ASTN1: variants seen among roughly 807,000 people sequenced by gnomAD.
ASTN1 encodes the protein astrotactin-1.
Under a neutral mutation model 140.7 loss-of-function variants are expected in ASTN1, and 41 were observed. That is an observed-to-expected ratio of 0.29 (90% CI 0.23 to 0.38). ASTN1 has a LOEUF of 0.38. Among genes scored for constraint, ASTN1 ranks in the 10% least tolerant of loss-of-function variants. ASTN1 has a pLI of 1.00. For missense variants in ASTN1, 1,479 were observed against 1,678.8 expected (o/e 0.88, Z 2.08); for synonymous variants, 640 against 652.2 (o/e 0.98, Z 0.29).
rs775048192 is a variant in ASTN1, at chr1:177,023,420, T to C, written c.1422A>G (p.Gln474=). The C allele has an allele frequency of 5.0e-6, 8 of 1,599,002 alleles. No homozygotes were observed. The East Asian group carries it at 1.4e-4, about 27-fold the overall frequency. The change falls in exon 7 of 23, where the codon CAA becomes CAG. Residue 474 remains glutamine (Q), a synonymous_variant. Coordinates refer to ENST00000361833, the MANE Select transcript of ASTN1 (RefSeq NM_004319.3). The stretch of plus-strand genomic sequence containing the variant: ...CCCGCCTACCAGTTTCGGGGTCACA[T>C]TGGTGTTCACAGGGGTCCAGGAGCC... The part of the protein sequence containing the change: ...ARRLLDPCEH[Q]CDPETGECLC...
chr1:176,865,500 T>C (rs4652196), intron 22 of ASTN1, among the ~76,000 whole-genome samples: 129,171 of 152,208 alleles, frequency 0.85, 55,074 homozygotes, highest in Middle Eastern at 0.95. Context: ...GATCCTCTCA[T>C]TCAGTTGTGT....
chr1:177,040,956 C>A (rs1201883060), intron 2 of ASTN1, among the ~76,000 whole-genome samples: 1 of 152,078 alleles, frequency 6.6e-6, no homozygotes, highest in African/African-American at 2.4e-5. Context: ...TTTTTTCTTG[C>A]CTCAGACCCT....
At chr1:176,891,417 G>A (rs904444126) in intron 17 of ASTN1, among the ~76,000 whole-genome samples, 6 of 152,276 alleles carry the variant, frequency 3.9e-5, no homozygotes, top group African/African-American at 7.2e-5. Context: ...TGGGATTCTG[G>A]AGAAGAAAAA....
At chr1:176,987,183 T>C (rs1238284290) in intron 8 of ASTN1, among the ~76,000 whole-genome samples, 5 of 152,178 alleles carry the variant, frequency 3.3e-5, no homozygotes, top group Non-Finnish European at 5.9e-5. Context: ...CCTGATCTAA[T>C]GCAGGAATCA....
At chr1:177,151,387 G>A (rs1321352999) in intron 1 of ASTN1, among the ~76,000 whole-genome samples, 2 of 151,626 alleles carry the variant, frequency 1.3e-5, no homozygotes, top group Non-Finnish European at 2.9e-5. Flanking sequence ...CTATGGCATT[G>A]GAGTAGAAGG....
At position 177,072,885 on chromosome 1, in the gene ASTN1, C is replaced by T. The variant is rs186743133; in HGVS notation, c.284-11620G>A. Among the ~76,000 whole-genome samples the T allele has an allele frequency of 1.6e-4, 24 of 152,138 alleles. No individual in the cohort carries two copies. The South Asian group carries it at 1.7e-3, about 11-fold the overall frequency. ...TCTGTGTTCATATTCTCATACTTCA[C>T]GGTAGCACTGGCCCATTAGTTTGAG... On this transcript the variant is annotated intron_variant, in intron 1 of 22. Transcript: ENST00000361833.
intron 1 of ASTN1, among the ~76,000 whole-genome samples, chr1:177,157,322 G>C (rs1022805109): frequency 6.6e-6 from 1 of 151,634 alleles, no homozygotes; most frequent in Non-Finnish European, 1.5e-5. Flanking sequence ...GTTGTTGTTT[G>C]TTTTGTTTTG....
At chr1:177,136,076 G>A (rs1406693546) in intron 1 of ASTN1, among the ~76,000 whole-genome samples, 5 of 152,160 alleles carry the variant, frequency 3.3e-5, no homozygotes, top group Non-Finnish European at 7.3e-5. Flanking sequence ...GCTTGACACT[G>A]TGCTAAAATT....
chr1:177,048,285 C>G (rs547321467), intron 2 of ASTN1, among the ~76,000 whole-genome samples: 185 of 152,306 alleles, frequency 1.2e-3, no homozygotes, highest in African/African-American at 4.3e-3. Flanking sequence ...TTATCTTCCC[C>G]TGATTCAGGG....
intron 5 of ASTN1, among the ~76,000 whole-genome samples, chr1:177,025,472 G>A (rs1441622548): frequency 6.6e-6 from 1 of 151,248 alleles, no homozygotes; most frequent in African/African-American, 2.4e-5. Flanking sequence ...TTTGTTTCTT[G>A]GCTTTTTTTT....
At chr1:177,061,932 C>T (rs2102034971) in intron 1 of ASTN1, among the ~76,000 whole-genome samples, 1 of 152,292 alleles carries the variant, frequency 6.6e-6, no homozygotes, top group African/African-American at 2.4e-5. Flanking sequence ...AAGAATCAGG[C>T]CCTTATCACA....
intron 1 of ASTN1, among the ~76,000 whole-genome samples, chr1:177,146,201 T>C (rs1682713922): frequency 6.6e-6 from 1 of 152,204 alleles, no homozygotes; most frequent in South Asian, 2.1e-4. Flanking sequence ...AGAAGACAGA[T>C]GGATACTCAT....
At chr1:176,979,222 C>T (rs1461477837) in intron 8 of ASTN1, among the ~76,000 whole-genome samples, 1 of 152,158 alleles carries the variant, frequency 6.6e-6, no homozygotes, top group Non-Finnish European at 1.5e-5. Context: ...CATGCTCTAG[C>T]CCTTGCCTAC....
downstream of ASTN1, among the ~76,000 whole-genome samples, chr1:176,859,010 G>T (rs1471553488): frequency 2.0e-5 from 3 of 152,208 alleles, no homozygotes; most frequent in African/African-American, 7.2e-5. Context: ...TTGCAATGAA[G>T]ATTGATGAAT....
At chr1:176,950,502 C>T (rs914758082) in intron 11 of ASTN1, among the ~76,000 whole-genome samples, 2 of 152,214 alleles carry the variant, frequency 1.3e-5, no homozygotes, top group African/African-American at 2.4e-5. Flanking sequence ...TCTCACAATA[C>T]CCTATATTAT....
chr1:177,124,504 C>A (rs1000006158), intron 1 of ASTN1, among the ~76,000 whole-genome samples: 1 of 152,100 alleles, frequency 6.6e-6, no homozygotes, highest in Non-Finnish European at 1.5e-5. Context: ...AGCTTCATGG[C>A]GCTTTGGCTA....
intron 1 of ASTN1, among the ~76,000 whole-genome samples, chr1:177,096,055 C>A (rs1680010532): frequency 6.6e-6 from 1 of 152,178 alleles, no homozygotes; most frequent in African/African-American, 2.4e-5. Flanking sequence ...TTGGCTTGCT[C>A]AGGACTTGTC....
intron 8 of ASTN1, among the ~76,000 whole-genome samples, chr1:176,969,432 A>C (rs1279573879): frequency 1.3e-5 from 2 of 152,192 alleles, no homozygotes; most frequent in African/African-American, 2.4e-5. Flanking sequence ...TCAGATGAGC[A>C]ACCTGGACCA....
At chr1:177,079,365 G>A (rs752720801) in intron 1 of ASTN1, among the ~76,000 whole-genome samples, 6 of 152,260 alleles carry the variant, frequency 3.9e-5, no homozygotes, top group Admixed American at 6.5e-5. Context: ...GGGACCAAGC[G>A]GGGTCTCTTT....
Sources: allele counts gnomAD v4.1 joint callset (sites outside exome capture counted in the v4.1 genomes callset), GRCh38; gene constraint gnomAD v4.1.1; transcripts MANE v1.5; gene names NCBI Gene and HGNC (gene_info 2026-07-23, HGNC 2026-07-21).